The following IL1RAPL2 variants were observed in gnomAD, a reference collection of about 807,000 sequenced individuals.
The protein encoded by IL1RAPL2 is interleukin 1 receptor accessory protein like 2, also known as X-linked interleukin-1 receptor accessory protein-like 2.
A neutral mutation model predicts 44.1 loss-of-function variants in IL1RAPL2; 3 were observed. The ratio of observed to expected loss-of-function variants is 0.07; its 90% CI spans 0.03 to 0.18. The LOEUF is 0.18. IL1RAPL2 is among the 10% of genes least tolerant of loss of function. The pLI is 1.00. For synonymous variants in IL1RAPL2, 181 were observed against 178.8 expected (o/e 1.01, Z -0.10); for missense variants, 391 against 496.4 (o/e 0.79, Z 2.02).
chrX:104,605,093 AAG>A (rs1490413665), intron 1 of IL1RAPL2, among the ~76,000 whole-genome samples: 13 of 112,200 alleles, frequency 1.2e-4, no homozygotes, highest in Admixed American at 1.0e-3. Flanking sequence ...GCAAATGTAA[AAG>A]AACAGAAATC....
At chrX:105,037,445 A>G (rs781592856) in intron 2 of IL1RAPL2, among the ~76,000 whole-genome samples, 2 of 111,446 alleles carry the variant, frequency 1.8e-5, no homozygotes, top group East Asian at 5.7e-4. Flanking sequence ...ACTGGATACA[A>G]GAGAATGAGG....
chrX:104,934,976 C>G (rs1463127135), intron 2 of IL1RAPL2, among the ~76,000 whole-genome samples: 2 of 112,134 alleles, frequency 1.8e-5, no homozygotes, highest in Non-Finnish European at 3.8e-5. Flanking sequence ...AGTAACTCTT[C>G]TGAATCTGTT....
At chrX:104,969,656 C>T (rs2030194722) in intron 2 of IL1RAPL2, among the ~76,000 whole-genome samples, 1 of 111,399 alleles carries the variant, frequency 9.0e-6, no homozygotes, top group African/African-American at 3.3e-5. Context: ...TACTAATCTA[C>T]AAGAGAAAAC....
In IL1RAPL2 at chrX:104,659,144, G is replaced by A. The variant is rs1038029721; in HGVS notation, c.82+149G>A. 39 of 433,878 alleles carry A rather than the reference G, an allele frequency of 9.0e-5. No individual in the cohort carries two copies. The Admixed American group carries it at 1.5e-3, about 17-fold the overall frequency. The allele number at this position is 433,878 out of a possible 1,213,427, so 35.8% of individuals were successfully genotyped here. A position where few individuals can be genotyped will look rare whatever the true frequency, so the allele number is the denominator to read the frequency against. On this transcript the variant is annotated intron_variant, in intron 2 of 10. Transcript: ENST00000372582. ...GGAAAGTAGCCAAAATAAAAATGAT[G>A]TTTAATCCTACCACTGAGAAATTGT...
At chrX:105,524,647 C>G (rs1199685008) in intron 6 of IL1RAPL2, among the ~76,000 whole-genome samples, 4 of 110,088 alleles carry the variant, frequency 3.6e-5, no homozygotes, top group African/African-American at 1.3e-4. Context: ...ATTATTTGCT[C>G]TACAAAAACC....
chrX:104,884,916 A>G (rs1923188183), intron 2 of IL1RAPL2, among the ~76,000 whole-genome samples: 2 of 110,943 alleles, frequency 1.8e-5, no homozygotes, highest in Non-Finnish European at 3.8e-5. Flanking sequence ...AAGGACCACA[A>G]AAACCCCCAG....
chrX:105,069,087 T>C (rs2032174112), intron 2 of IL1RAPL2, among the ~76,000 whole-genome samples: 1 of 111,450 alleles, frequency 9.0e-6, no homozygotes, highest in Admixed American at 9.5e-5. Context: ...AGAAAAAAGA[T>C]AGGGGTGGTG....
At chrX:105,549,659 T>C (rs1921283285) in intron 6 of IL1RAPL2, among the ~76,000 whole-genome samples, 1 of 111,756 alleles carries the variant, frequency 8.9e-6, no homozygotes, top group Non-Finnish European at 1.9e-5. Flanking sequence ...ATGTGGTTTA[T>C]CTGCATGGTA....
chrX:105,248,810 T>A (rs2034244583), intron 4 of IL1RAPL2, among the ~76,000 whole-genome samples: 1 of 111,516 alleles, frequency 9.0e-6, no homozygotes, highest in Non-Finnish European at 1.9e-5. Context: ...TTCACTCCAG[T>A]TACAGTGACT....
At chrX:105,582,772 C>G (rs1269959691) in intron 6 of IL1RAPL2, among the ~76,000 whole-genome samples, 3 of 108,587 alleles carry the variant, frequency 2.8e-5, no homozygotes, top group African/African-American at 1.0e-4. Context: ...ATATTTTGGT[C>G]TGTTCTTATA....
At chrX:104,579,431 C>A (rs887000508) in intron 1 of IL1RAPL2, among the ~76,000 whole-genome samples, 1 of 112,076 alleles carries the variant, frequency 8.9e-6, no homozygotes, top group Non-Finnish European at 1.9e-5. Flanking sequence ...AGAATGAAAT[C>A]ATGTCCTTTG....
chrX:104,756,952 C>A (rs1027701447), intron 2 of IL1RAPL2, among the ~76,000 whole-genome samples: 2 of 110,228 alleles, frequency 1.8e-5, no homozygotes, highest in Non-Finnish European at 3.8e-5. Context: ...TGAATGTAAA[C>A]AAGAAGAAAA....
chrX:105,556,769 C>T (rs1425139779), intron 6 of IL1RAPL2, among the ~76,000 whole-genome samples: 2 of 111,920 alleles, frequency 1.8e-5, no homozygotes, highest in East Asian at 2.8e-4. Flanking sequence ...TTGCTCACCA[C>T]ATTTTATTAA....
At chrX:105,498,925 T>C (rs923578297) in intron 6 of IL1RAPL2, among the ~76,000 whole-genome samples, 1 of 111,258 alleles carries the variant, frequency 9.0e-6, no homozygotes, top group Non-Finnish European at 1.9e-5. Context: ...GCCTGAGGTC[T>C]GCCTCTTGTC....
chrX:104,674,194 C>T (rs1930687192), intron 2 of IL1RAPL2, among the ~76,000 whole-genome samples: 1 of 112,044 alleles, frequency 8.9e-6, no homozygotes, highest in Non-Finnish European at 1.9e-5. Flanking sequence ...AAAGGGAATG[C>T]TTCCAGTTTT....
chrX:105,636,079 G>T (rs1010782382), intron 6 of IL1RAPL2, among the ~76,000 whole-genome samples: 1 of 111,204 alleles, frequency 9.0e-6, no homozygotes, highest in African/African-American at 3.3e-5. Flanking sequence ...TGAACCTATT[G>T]TTGACTGAAG....
intron 6 of IL1RAPL2, among the ~76,000 whole-genome samples, chrX:105,690,879 AT>A: frequency 9.0e-6 from 1 of 111,152 alleles, no homozygotes; most frequent in Non-Finnish European, 1.9e-5. Context: ...ATCAACAAAA[AT>A]TTTTTCCTCA....
rs185052289 is a variant in IL1RAPL2 at position 105,422,434 on chromosome X, A to G, written c.698-61879A>G. ...TTGATTCCTTAAAGGAAAGCACACC[A>G]TTCCAGTCAAAGCCTTAGTAAAATA... is the stretch of plus-strand genomic sequence containing the variant. On this transcript the variant is annotated intron_variant, in intron 5 of 10. Coordinates refer to ENST00000372582, the MANE Select transcript of IL1RAPL2 (RefSeq NM_017416.2). Among the ~76,000 whole-genome samples, 8 of 112,243 alleles carry G rather than the reference A, an allele frequency of 7.1e-5. No individual in the cohort carries two copies. In the East Asian group the frequency reaches 2.3e-3, roughly 32 times the overall value.
At chrX:105,242,116 C>T (rs137899930) in intron 4 of IL1RAPL2, among the ~76,000 whole-genome samples, 1 of 111,897 alleles carries the variant, frequency 8.9e-6, no homozygotes, top group African/African-American at 3.2e-5. Flanking sequence ...TGGTTAACTC[C>T]ATGTGTCCCT....
Sources: allele counts gnomAD v4.1 joint callset (sites outside exome capture counted in the v4.1 genomes callset), GRCh38; gene constraint gnomAD v4.1.1; transcripts MANE v1.5; gene names NCBI Gene and HGNC (gene_info 2026-07-23, HGNC 2026-07-21).